The following ADARB2 variants were observed in gnomAD, a reference collection of about 807,000 sequenced individuals.
ADARB2 encodes adenosine deaminase RNA specific B2 (inactive), also known as inactive double-stranded RNA-specific editase B2.
A neutral mutation model predicts 62.2 loss-of-function variants in ADARB2; 25 were observed. That is an observed-to-expected ratio of 0.40 (90% CI 0.29 to 0.56). The LOEUF is 0.56. Among genes scored for constraint, ADARB2 ranks in the 20% least tolerant of loss-of-function variants. The pLI is 0.43. For synonymous variants in ADARB2, 572 were observed against 500.8 expected (o/e 1.14, Z -1.90); for missense variants, 1,071 against 1,077.4 (o/e 0.99, Z 0.08).
chr10:1,606,319 C>A (rs756603677), intron 1 of ADARB2, among the ~76,000 whole-genome samples: 4 of 151,598 alleles, frequency 2.6e-5, no homozygotes, highest in African/African-American at 9.7e-5. Flanking sequence ...GAAACCTGAG[C>A]GGGGGGGAGC....
intron 1 of ADARB2, among the ~76,000 whole-genome samples, chr10:1,455,462 TA>T (rs1186948678): frequency 2.0e-5 from 3 of 151,434 alleles, no homozygotes; most frequent in Non-Finnish European, 4.4e-5. Context: ...TGAACAAAAA[TA>T]AAAAAAAAGA....
chr10:1,645,869 T>C (rs11250697), intron 1 of ADARB2, among the ~76,000 whole-genome samples: 81,759 of 152,140 alleles, frequency 0.54, 23,924 homozygotes, highest in Non-Finnish European at 0.65. Flanking sequence ...CTTCTTCATT[T>C]ATCAGGTTTA....
At chr10:1,197,614 C>A (rs1434085980) in intron 8 of ADARB2, among the ~76,000 whole-genome samples, 2 of 152,200 alleles carry the variant, frequency 1.3e-5, no homozygotes, top group African/African-American at 4.8e-5. Context: ...TTAAACAAGT[C>A]ATGGTTCTAA....
chr10:1,534,738 T>A (rs1226297651), intron 1 of ADARB2: 1 of 166,056 alleles, frequency 6.0e-6, no homozygotes, highest in Non-Finnish European at 1.5e-5. Flanking sequence ...TGGAGAGGTG[T>A]CCAGATCATT....
chr10:1,484,164 A>G (rs1831514520), intron 1 of ADARB2, among the ~76,000 whole-genome samples: 1 of 152,252 alleles, frequency 6.6e-6, no homozygotes, highest in Admixed American at 6.5e-5. Flanking sequence ...GATATTTCCC[A>G]GGACAATACT....
chr10:1,357,920 A>G (rs989824391), intron 3 of ADARB2, among the ~76,000 whole-genome samples: 1 of 152,272 alleles, frequency 6.6e-6, no homozygotes, highest in African/African-American at 2.4e-5. Flanking sequence ...AAACGCTCAC[A>G]CAGGACAAGC....
intron 5 of ADARB2, among the ~76,000 whole-genome samples, chr10:1,238,582 C>T (rs1250220414): frequency 0.013 from 36 of 2,822 alleles, 1 homozygote; most frequent in African/African-American, 0.04. Context: ...TCCCGGTGTT[C>T]ACTCCCCTCT....
intron 1 of ADARB2, among the ~76,000 whole-genome samples, chr10:1,496,098 T>A (rs894737711): frequency 2.0e-5 from 3 of 151,712 alleles, no homozygotes; most frequent in African/African-American, 4.8e-5. Flanking sequence ...ACCATCATCA[T>A]CGTCATCACC....
intron 3 of ADARB2, among the ~76,000 whole-genome samples, chr10:1,343,167 C>G (rs1451967713): frequency 6.6e-6 from 1 of 152,060 alleles, no homozygotes; most frequent in Non-Finnish European, 1.5e-5. Flanking sequence ...ACATAAAAAC[C>G]AGGTTTTCAA....
At chr10:1,373,946 G>A (rs1273751088) in intron 2 of ADARB2, among the ~76,000 whole-genome samples, 6 of 143,802 alleles carry the variant, frequency 4.2e-5, no homozygotes, top group South Asian at 2.2e-4. Context: ...TAGTGAAACC[G>A]CGTGGGCTCC....
intron 4 of ADARB2, among the ~76,000 whole-genome samples, chr10:1,260,191 TATC>T (rs1831122637): frequency 6.6e-6 from 1 of 152,106 alleles, no homozygotes; most frequent in Non-Finnish European, 1.5e-5. Flanking sequence ...CCACAGCCAA[TATC>T]ATACTGAATG....
At chr10:1,349,107 A>T (rs1832109929) in intron 3 of ADARB2, among the ~76,000 whole-genome samples, 1 of 152,130 alleles carries the variant, frequency 6.6e-6, no homozygotes, top group Non-Finnish European at 1.5e-5. Flanking sequence ...AACTGATGAC[A>T]TTCCACCACA....
chr10:1,420,034 T>C lies in ADARB2; in HGVS notation c.101-40874A>G, dbSNP rs536445121. Among the ~76,000 whole-genome samples, 18 of 152,292 alleles carry C rather than the reference T, an allele frequency of 1.2e-4. No individual in the cohort carries two copies. In the East Asian group the frequency reaches 3.5e-3, roughly 29 times the overall value. Reference sequence around the variant, plus strand: ...CTTGAGAAGATAAGTAAAATAAATATTGTAAAGTCAATTTTTAATAATCTG... The same window carrying C: ...CTTGAGAAGATAAGTAAAATAAATACTGTAAAGTCAATTTTTAATAATCTG... On this transcript the variant is annotated intron_variant, in intron 1 of 9. Transcript: ENST00000381312.
chr10:1,669,430 A>C (rs1834352994), intron 1 of ADARB2, among the ~76,000 whole-genome samples: 1 of 152,182 alleles, frequency 6.6e-6, no homozygotes, highest in East Asian at 1.9e-4. Flanking sequence ...AGACACACAC[A>C]CAGACACATG....
chr10:1,512,199 T>C (rs1167139988), intron 1 of ADARB2, among the ~76,000 whole-genome samples: 4 of 150,872 alleles, frequency 2.7e-5, no homozygotes, highest in African/African-American at 4.9e-5. Context: ...GATACCAACA[T>C]ATGGATGGTG....
intron 1 of ADARB2, among the ~76,000 whole-genome samples, chr10:1,444,082 A>G (rs951354065): frequency 6.9e-6 from 1 of 144,936 alleles, no homozygotes; most frequent in Admixed American, 6.9e-5. Context: ...TCCATTCACC[A>G]TCCATCTACA....
chr10:1,696,820 C>T (rs1358323888), intron 1 of ADARB2, among the ~76,000 whole-genome samples: 1 of 152,164 alleles, frequency 6.6e-6, no homozygotes, highest in African/African-American at 2.4e-5. Flanking sequence ...CACTTCTGAC[C>T]CTGTACTCCC....
chr10:1,525,044 G>T (rs919548150), intron 1 of ADARB2, among the ~76,000 whole-genome samples: 1 of 152,098 alleles, frequency 6.6e-6, no homozygotes, highest in Non-Finnish European at 1.5e-5. Context: ...AAGGGCTTTA[G>T]TAATAAAATA....
At chr10:1,295,745 T>C (rs184500495) in intron 3 of ADARB2, among the ~76,000 whole-genome samples, 6 of 152,238 alleles carry the variant, frequency 3.9e-5, no homozygotes, top group Admixed American at 3.9e-4. Context: ...AGAATAATGA[T>C]AAATGGTTTT....
Sources: gnomAD v4.1 joint callset for allele counts (sites outside exome capture counted in the v4.1 genomes callset) on GRCh38, gnomAD v4.1.1 for gene constraint, MANE v1.5 for transcripts, NCBI Gene and HGNC (gene_info 2026-07-23, HGNC 2026-07-21) for gene names.